Variants in FGF14 observed in about 807,000 individuals in gnomAD.
FGF14 encodes fibroblast growth factor 14, also known as fibroblast growth factor homologous factor 4.
A neutral mutation model predicts 25.5 loss-of-function variants in FGF14; 5 were observed. That is an observed-to-expected ratio of 0.20 (90% CI 0.10 to 0.41). FGF14 has a LOEUF of 0.41. Ranked by LOEUF, FGF14 falls within the 10% of genes least tolerant of loss-of-function variation. FGF14 has a pLI of 1.00. For missense variants in FGF14, 222 were observed against 320.1 expected, an observed-to-expected ratio of 0.69 and a Z score of 2.34; for synonymous variants, 138 against 118.3, an observed-to-expected ratio of 1.17 and a Z score of -1.08.
At chr13:102,199,406 A>T (rs1430857313) in intron 1 of FGF14, among the ~76,000 whole-genome samples, 4 of 152,220 alleles carry the variant, frequency 2.6e-5, no homozygotes, top group Non-Finnish European at 4.4e-5. Context: ...TTGGTGAGTT[A>T]AAGTGGCTTT....
chr13:102,158,680 A>T (rs2047478134), intron 1 of FGF14, among the ~76,000 whole-genome samples: 1 of 152,116 alleles, frequency 6.6e-6, no homozygotes, highest in Non-Finnish European at 1.5e-5. Flanking sequence ...TAAAAAAAAA[A>T]ATCTTTGAAC....
intron 1 of FGF14, among the ~76,000 whole-genome samples, chr13:102,274,253 C>T (rs911634297): frequency 2.6e-5 from 4 of 152,164 alleles, no homozygotes; most frequent in Non-Finnish European, 5.9e-5. Context: ...ATACTTAATA[C>T]AATAACATCA....
intron 3 of FGF14, among the ~76,000 whole-genome samples, chr13:101,744,248 A>G (rs1311193925): frequency 6.6e-6 from 1 of 151,946 alleles, no homozygotes; most frequent in African/African-American, 2.4e-5. Context: ...AAATCCTTAT[A>G]AAAATCCTAC....
chr13:102,133,074 A>G (rs921410156), intron 1 of FGF14, among the ~76,000 whole-genome samples: 4 of 152,192 alleles, frequency 2.6e-5, no homozygotes, highest in South Asian at 2.1e-4. Context: ...ATTGAAATGG[A>G]TTGTTGACCA....
chr13:101,916,373 G>A (rs1303332463), intron 1 of FGF14, 80 bp downstream of exon 1: 50 of 1,540,474 alleles, frequency 3.2e-5, no homozygotes, highest in Non-Finnish European at 4.3e-5. Flanking sequence ...AACCGAGGGA[G>A]GGAAGGAGCC....
intron 1 of FGF14, among the ~76,000 whole-genome samples, chr13:102,174,458 G>C (rs997681970): frequency 2.0e-5 from 3 of 151,708 alleles, no homozygotes; most frequent in African/African-American, 4.8e-5. Flanking sequence ...GAGCCACCGT[G>C]CCCAGCCAGT....
rs375812817 is a variant in FGF14 at position 102,308,798 on chromosome 13, T to C, written c.208+92673A>G. Among the ~76,000 whole-genome samples, 252 of 151,892 alleles carry C rather than the reference T, an allele frequency of 1.7e-3. 2 individuals are homozygous for C. The highest frequency in any genetic ancestry group is 5.6e-3 in the African/African-American group (232 of 41,386). On this transcript the variant is annotated intron_variant, in intron 1 of 4. Coordinates refer to the FGF14 transcript ENST00000376131. ...CAAGAGAGTGGTTACAGTCAGGCAA[T>C]GTGCTAAACAATAAGACTGGAGTGG...
At chr13:102,006,384 G>T (rs1185105854) in intron 1 of FGF14, among the ~76,000 whole-genome samples, 6 of 152,150 alleles carry the variant, frequency 3.9e-5, no homozygotes, top group African/African-American at 1.4e-4. Context: ...TGAATACTGG[G>T]GGCCTTGGGA....
rs114558719 is a variant in FGF14 at position 101,997,769 on chromosome 13, T to C, written c.209-122473A>G. 7.5e-3 allele frequency among the ~76,000 whole-genome samples: 1,145 copies of C among 152,296 alleles called. 16 individuals are homozygous for C. The highest frequency in any genetic ancestry group is 0.026 in the African/African-American group (1,073 of 41,544). ...AAGTTGCAGTATTTTGGTGGCAAAA[T>C]AGTAGGCCCCTAATAGAAGAGATTA... is the stretch of plus-strand genomic sequence containing the variant. On this transcript the variant is annotated intron_variant, in intron 1 of 4. Coordinates refer to the FGF14 transcript ENST00000376131.
Position 102,139,580 on chromosome 13 carries a change from C to T in FGF14, c.208+261891G>A, listed in dbSNP as rs181782033. ...CATATGTCCTATGAGCAATGCTCCA[C>T]GGATGACTGCTGTGGAGGGGGGGAT... On this transcript the variant is annotated intron_variant, in intron 1 of 4. Coordinates refer to the FGF14 transcript ENST00000376131. 5.3e-5 allele frequency among the ~76,000 whole-genome samples: 8 copies of T among 152,130 alleles called. No individual in the cohort carries two copies. In the East Asian group the frequency reaches 1.2e-3, roughly 22 times the overall value.
chr13:102,150,656 T>C lies in FGF14; in HGVS notation c.208+250815A>G, dbSNP rs1326427241. 5.3e-5 allele frequency among the ~76,000 whole-genome samples: 8 copies of C among 152,334 alleles called. No homozygotes were observed. In the East Asian group the frequency reaches 9.6e-4, roughly 18 times the overall value. On this transcript the variant is annotated intron_variant, in intron 1 of 4. Transcript: ENST00000376131. ...TTTTCTCATTTGAGCATCAGCCTGC[T>C]CATCTCATTCTCACACTCTTGCCTG...
At chr13:102,022,112 G>C (rs142426375) in intron 1 of FGF14, among the ~76,000 whole-genome samples, 2 of 152,114 alleles carry the variant, frequency 1.3e-5, no homozygotes, top group Non-Finnish European at 2.9e-5. Context: ...CCAGAATGCT[G>C]TTAAGCAGCA....
At position 102,140,052 on chromosome 13, in the gene FGF14, C is replaced by G. The variant is rs114573818; in HGVS notation, c.208+261419G>C. Reference sequence around the variant, plus strand: ...GGTCAAACTCTTCAAGACCCCCCCCCCCCCTTACAGCAGTAAGTCATCCGT... The same window carrying G: ...GGTCAAACTCTTCAAGACCCCCCCCGCCCCTTACAGCAGTAAGTCATCCGT... On this transcript the variant is annotated intron_variant, in intron 1 of 4. Coordinates refer to the FGF14 transcript ENST00000376131. 1.3e-4 allele frequency among the ~76,000 whole-genome samples: 19 copies of G among 144,894 alleles called. 1 individual carries two copies. Among genetic ancestry groups the G allele is most frequent in the South Asian group, 4.7e-4 (2 of 4,236 alleles).
chr13:102,306,055 C>T (rs535575722), intron 1 of FGF14, among the ~76,000 whole-genome samples: 2 of 152,228 alleles, frequency 1.3e-5, no homozygotes, highest in Admixed American at 6.5e-5. Context: ...CTCATTTTGT[C>T]GGAGAGGTAC....
intron 1 of FGF14, among the ~76,000 whole-genome samples, chr13:102,258,124 C>T (rs2052537402): frequency 6.6e-6 from 1 of 152,176 alleles, no homozygotes; most frequent in African/African-American, 2.4e-5. Flanking sequence ...ATAAAACCAT[C>T]AGATCTTGTA....
At chr13:102,130,213 T>C (rs78762513) in intron 1 of FGF14, among the ~76,000 whole-genome samples, 2,159 of 152,280 alleles carry the variant, frequency 0.014, 48 homozygotes, top group African/African-American at 0.05. Context: ...TGCCCATGTC[T>C]GACAAAAGGA....
intron 1 of FGF14, among the ~76,000 whole-genome samples, chr13:102,074,691 A>G (rs2043289839): frequency 6.6e-6 from 1 of 152,172 alleles, no homozygotes. Flanking sequence ...TCCTCAACAA[A>G]ATATCACCAA....
At chr13:101,941,473 A>G (rs1390557773) in intron 1 of FGF14, among the ~76,000 whole-genome samples, 1 of 152,204 alleles carries the variant, frequency 6.6e-6, no homozygotes, top group Non-Finnish European at 1.5e-5. Context: ...ATCTTTCACC[A>G]TTTACAAGTA....
chr13:102,377,597 T>C (rs928742585), intron 1 of FGF14, among the ~76,000 whole-genome samples: 2 of 152,080 alleles, frequency 1.3e-5, no homozygotes, highest in Non-Finnish European at 2.9e-5. Flanking sequence ...TCACCTGAGG[T>C]TGGGAATTCA....
Sources: gnomAD v4.1 joint callset for allele counts (sites outside exome capture counted in the v4.1 genomes callset) on GRCh38, gnomAD v4.1.1 for gene constraint, MANE v1.5 for transcripts, NCBI Gene and HGNC (gene_info 2026-07-23, HGNC 2026-07-21) for gene names.